The following ACYP2 variants were observed in gnomAD, a reference collection of about 807,000 sequenced individuals.
ACYP2 encodes acylphosphatase-2.
ACYP2 carries 12 observed loss-of-function variants against 11.2 expected under a neutral mutation model. The ratio of observed to expected loss-of-function variants is 1.08; its 90% CI spans 0.69 to 1.74. The LOEUF (loss-of-function observed/expected upper bound fraction) is 1.74, where lower values mean the gene tolerates loss of function less well. Ranked by LOEUF, ACYP2 falls within the 40% of genes most tolerant of loss-of-function variation. ACYP2 has a pLI of 0.00. For synonymous variants in ACYP2, 43 were observed against 32.2 expected, an observed-to-expected ratio of 1.33 and a Z score of -1.13; for missense variants, 134 against 101.9, an observed-to-expected ratio of 1.31 and a Z score of -1.35.
intron 6 of ACYP2, among the ~76,000 whole-genome samples, chr2:54,243,969 T>C (rs1410302669): frequency 1.3e-5 from 2 of 152,044 alleles, no homozygotes; most frequent in Non-Finnish European, 2.9e-5. Flanking sequence ...TGTCTCCAGA[T>C]TTTAACAGAA....
Position 54,304,828 on chromosome 2 carries a change from G to T in ACYP2, c.*26G>T. The T allele has an allele frequency of 7.8e-7, 1 of 1,284,480 alleles. No homozygotes were observed. The highest frequency in any genetic ancestry group is 1.2e-5 in the South Asian group (1 of 82,092). The allele number at this position is 1,284,480 out of a possible 1,614,324, so 79.6% of individuals were successfully genotyped here. ...TAGAAGAGAAAAATTGTAACACACTGAACAATAGATACTGTATGTTCTTAA... is the reference window on the plus strand; with the variant it reads ...TAGAAGAGAAAAATTGTAACACACTTAACAATAGATACTGTATGTTCTTAA... On this transcript the variant is annotated 3_prime_UTR_variant, in exon 7 of 7. Transcript: ENST00000607452.
chr2:54,251,277 A>G (rs1426818780), intron 6 of ACYP2, among the ~76,000 whole-genome samples: 1 of 152,196 alleles, frequency 6.6e-6, no homozygotes, highest in Non-Finnish European at 1.5e-5. Context: ...TTCACATATC[A>G]ATTCATGGTT....
At chr2:54,018,679 A>G (rs961959959) in intron 2 of ACYP2, among the ~76,000 whole-genome samples, 2 of 152,128 alleles carry the variant, frequency 1.3e-5, no homozygotes, top group Non-Finnish European at 2.9e-5. Context: ...TAAAATACAA[A>G]ATAGAACTTC....
At position 54,255,122 on chromosome 2, in the gene ACYP2, G is replaced by C. The variant is rs754823930; in HGVS notation, c.405-49566G>C. 8 of 1,614,108 alleles carry C rather than the reference G, an allele frequency of 5.0e-6. No individual in the cohort carries two copies. Among genetic ancestry groups the C allele is most frequent in the Non-Finnish European group, 6.8e-6 (8 of 1,180,018 alleles). The stretch of plus-strand genomic sequence containing the variant: ...GTGAAGAAGCTGCAGATGACATGTC[G>C]GTTCCTATGAATGAAGGACTGGGGT... On this transcript the variant is annotated intron_variant, in intron 6 of 6. Transcript: ENST00000607452.
intron 2 of ACYP2, chr2:54,030,706 C>T (rs1334123212): frequency 4.0e-5 from 7 of 176,248 alleles, no homozygotes; most frequent in Non-Finnish European, 5.0e-5. Context: ...TGGAAGACGG[C>T]GGTTCCAGCT....
chr2:54,069,998 C>T (rs1242662331), intron 4 of ACYP2, among the ~76,000 whole-genome samples: 1 of 152,184 alleles, frequency 6.6e-6, no homozygotes, highest in East Asian at 1.9e-4. Flanking sequence ...GGGCCAGGCT[C>T]AGTGGCTCAT....
chr2:54,022,430 A>G (rs890229136), intron 2 of ACYP2, among the ~76,000 whole-genome samples: 2 of 152,046 alleles, frequency 1.3e-5, no homozygotes, highest in East Asian at 1.9e-4. Context: ...CACCCATGCT[A>G]GAGTACAGTG....
chr2:54,255,492 G>C (rs1558647135), intron 6 of ACYP2: 1 of 1,614,018 alleles, frequency 6.2e-7, no homozygotes, highest in Admixed American at 1.7e-5. Context: ...GGAGCGCCCT[G>C]TCAGCCTCTG....
At position 54,097,965 on chromosome 2, in the gene ACYP2, C is replaced by CA. The variant is rs1164325976; in HGVS notation, c.278-37488_278-37487insA. Among the ~76,000 whole-genome samples, 4 of 117,216 alleles carry CA rather than the reference C, an allele frequency of 3.4e-5. No individual in the cohort carries two copies. In the East Asian group the frequency reaches 9.4e-4, roughly 28 times the overall value. 76.9% of individuals were successfully genotyped at this position (117,216 alleles called of 152,430 possible). A position where few individuals can be genotyped will look rare whatever the true frequency, so the allele number is the denominator to read the frequency against. Reference sequence around the variant, plus strand: ...CCTTGTTTCTTTCTCTCCTTCCTTCCTTTTTTTTTTTTTTTGAGGTGGAGT... The same window carrying CA: ...CCTTGTTTCTTTCTCTCCTTCCTTCCATTTTTTTTTTTTTTTGAGGTGGAGT... On this transcript the variant is annotated intron_variant, in intron 4 of 6. Transcript: ENST00000607452.
intron 6 of ACYP2, among the ~76,000 whole-genome samples, chr2:54,276,010 A>T (rs576221332): frequency 6.6e-6 from 1 of 152,270 alleles, no homozygotes; most frequent in African/African-American, 2.4e-5. Flanking sequence ...TTGAAACTAG[A>T]ACTTAAATAG....
chr2:54,255,441 G>C, intron 6 of ACYP2: 1 of 1,614,044 alleles, frequency 6.2e-7, no homozygotes, highest in Non-Finnish European at 8.5e-7. Context: ...TCTGCTCCAG[G>C]TAGTATTCAT....
chr2:54,039,313 G>T (rs72800717), intron 2 of ACYP2, among the ~76,000 whole-genome samples: 1 of 149,938 alleles, frequency 6.7e-6, no homozygotes, highest in Non-Finnish European at 1.5e-5. Flanking sequence ...GGCGGGGGGG[G>T]ACAGGGTCCC....
intron 2 of ACYP2, among the ~76,000 whole-genome samples, chr2:54,007,244 T>G (rs1470421466): frequency 6.8e-6 from 1 of 146,424 alleles, no homozygotes; most frequent in Non-Finnish European, 1.5e-5. Flanking sequence ...CATCCTAATT[T>G]CATGGTTTTT....
In ACYP2 at chr2:54,195,794, G is replaced by GTTTTT. The variant is rs1168917459; in HGVS notation, c.404+57063_404+57067dup. 1.0e-2 allele frequency among the ~76,000 whole-genome samples: 827 copies of GTTTTT among 83,036 alleles called. 48 individuals are homozygous for GTTTTT. The highest frequency in any genetic ancestry group is 0.036 in the African/African-American group (723 of 20,042). 54.5% of individuals were successfully genotyped at this position (83,036 alleles called of 152,430 possible). ...GTACATTGTCATCGTTTTGTTGTGG[G>GTTTTT]TTTTTTTTTTTTTTTTTTTTTGAGA... is the stretch of plus-strand genomic sequence containing the variant. On this transcript the variant is annotated intron_variant, in intron 6 of 6. Coordinates refer to ENST00000607452, the MANE Select transcript of ACYP2 (RefSeq NM_001320586.2).
intron 2 of ACYP2, among the ~76,000 whole-genome samples, chr2:54,007,213 C>T (rs1335062615): frequency 3.5e-5 from 5 of 144,056 alleles, no homozygotes; most frequent in Admixed American, 6.9e-5. Context: ...TACATTTTAG[C>T]GGAGTTCAGG....
chr2:54,261,559 A>G (rs1362522425), intron 6 of ACYP2, among the ~76,000 whole-genome samples: 2 of 152,212 alleles, frequency 1.3e-5, no homozygotes, highest in African/African-American at 4.8e-5. Context: ...GATAAACTCA[A>G]TATTAGATGA....
chr2:54,026,701 C>G (rs1317191103), intron 2 of ACYP2, among the ~76,000 whole-genome samples: 1 of 152,138 alleles, frequency 6.6e-6, no homozygotes, highest in Non-Finnish European at 1.5e-5. Context: ...AGTCATGTAT[C>G]TATACCATAG....
intron 4 of ACYP2, among the ~76,000 whole-genome samples, chr2:54,106,709 G>A (rs1292591148): frequency 6.6e-6 from 1 of 152,048 alleles, no homozygotes; most frequent in Non-Finnish European, 1.5e-5. Flanking sequence ...TCTGCCTCCT[G>A]AGTAGCTGGG....
intron 4 of ACYP2, among the ~76,000 whole-genome samples, chr2:54,075,303 A>G (rs1677268737): frequency 6.6e-6 from 1 of 152,184 alleles, no homozygotes; most frequent in African/African-American, 2.4e-5. Flanking sequence ...GTTCGAGACC[A>G]TCCTGGGCAA....
Sources: allele counts gnomAD v4.1 joint callset (sites outside exome capture counted in the v4.1 genomes callset), GRCh38; gene constraint gnomAD v4.1.1; transcripts MANE v1.5; gene names NCBI Gene and HGNC (gene_info 2026-07-23, HGNC 2026-07-21).